BRWD1: variants seen among roughly 807,000 people sequenced by gnomAD.
BRWD1 encodes bromodomain and WD repeat-containing protein 1.
A neutral mutation model predicts 251.2 loss-of-function variants in BRWD1; 82 were observed. That is an observed-to-expected ratio of 0.33 (90% confidence interval 0.27 to 0.39). The LOEUF is 0.39. Among genes scored for constraint, BRWD1 ranks in the 10% least tolerant of loss-of-function variants. The pLI, the probability that BRWD1 is intolerant of heterozygous loss-of-function variation, is 1.00. For missense variants in BRWD1, 2,233 were observed against 2,711.6 expected (o/e 0.82, Z 3.92); for synonymous variants, 918 against 902.8 (o/e 1.02, Z -0.30).
At chr21:39,272,309 T>TAA (rs1224051854) in intron 13 of BRWD1, among the ~76,000 whole-genome samples, 264 of 132,900 alleles carry the variant, frequency 2.0e-3, no homozygotes, top group Admixed American at 3.8e-3. Context: ...CTTAAATAAA[T>TAA]AAAAAAAAAA....
Position 39,192,354 on chromosome 21 carries a change from A to G in BRWD1, c.*3905T>C, listed in dbSNP as rs555104715. 6.7e-4 allele frequency: 658 copies of G among 983,982 alleles called. No homozygotes were observed. The highest frequency in any genetic ancestry group is 8.5e-4 in the South Asian group (18 of 21,258). The allele number at this position is 983,982 out of a possible 1,614,324, so 61.0% of individuals were successfully genotyped here. ...TTTTCCCACAATGCTCTATTTTCTC[A>G]CCTAGTTTTGACAAATTTATTCCTT... On this transcript the variant is annotated 3_prime_UTR_variant, in exon 41 of 41. Transcript: ENST00000342449.
In BRWD1 at chr21:39,270,403, C is replaced by A. The variant is rs1211533293; in HGVS notation, c.1275G>T (p.Met425Ile). The stretch of plus-strand genomic sequence containing the variant: ...AAGCTATCATTGTTACTTTAGGTTT[C>A]ATAAACCTTTCCTCTTCGGAAGATA... The part of the protein sequence containing the change: ...GDLSSEEERF[M>I]KPKVTMIAWN... The change falls in exon 14 of 41, where the codon ATG becomes ATT. Residue 425 changes from methionine (M) to isoleucine (I), a missense_variant. Around this residue, in one of 12 missense-constraint regions of BRWD1, gnomAD observed 315 missense variants for 421.8 expected, o/e 0.75. Transcript: ENST00000342449. 6.2e-7 allele frequency: 1 copy of A among 1,610,638 alleles called. No individual in the cohort carries two copies. Among genetic ancestry groups the A allele is most frequent in the African/African-American group, 1.3e-5 (1 of 74,888 alleles).
chr21:39,264,074 C>T (rs1031932117), intron 17 of BRWD1, among the ~76,000 whole-genome samples: 2 of 152,120 alleles, frequency 1.3e-5, no homozygotes, highest in Non-Finnish European at 2.9e-5. Context: ...AATTAAGGAA[C>T]TATGACAACT....
At chr21:39,223,171 G>A (rs1371120272) in intron 29 of BRWD1, among the ~76,000 whole-genome samples, 1 of 152,260 alleles carries the variant, frequency 6.6e-6, no homozygotes, top group South Asian at 2.1e-4. Context: ...CAATAGTATC[G>A]TATTAATAAT....
chr21:39,217,168 T>C (rs776522842), intron 31 of BRWD1: 4 of 146,174 alleles, frequency 2.7e-5, no homozygotes, highest in Non-Finnish European at 5.9e-5. Context: ...TGATCTCAGC[T>C]CACTGCAACC....
Position 39,196,597 on chromosome 21 carries a change from A to G in BRWD1, c.6472T>C (p.Ser2158Pro). Residue 2158 changes from serine to proline, a missense_variant, in exon 41 of 41, where the codon TCA (serine) becomes CCA (proline). Ser to Pro is a moderately conservative substitution (Grantham distance 74). Transcript: ENST00000342449. ...GATTCAGTTACAGATCCCAAATCTG[A>G]TGATTTGGAACTAGTATCAGGTCTA... ...KFRPDTSSKSSDLGSVTESDI... is the reference protein window; with the variant it reads ...KFRPDTSSKSPDLGSVTESDI... 6.2e-7 allele frequency: 1 copy of G among 1,613,104 alleles called. No homozygotes were observed. The highest frequency in any genetic ancestry group is 1.1e-5 in the South Asian group (1 of 90,946).
Position 39,238,554 on chromosome 21 carries a change from C to T in BRWD1, c.2501G>A (p.Ser834Asn), listed in dbSNP as rs151167565. The T allele has an allele frequency of 3.7e-6, 6 of 1,613,516 alleles. No individual in the cohort carries two copies. The African/African-American group carries it at 5.3e-5, about 14-fold the overall frequency. The change falls in exon 22 of 41, where the codon AGT (serine) becomes AAT (asparagine). Residue 834 changes from serine (S) to asparagine (N), a missense_variant. Ser to Asn is a conservative substitution (Grantham distance 46). Transcript: ENST00000342449. ...SVRHETSCDQSEGSGSSEEDE... is the reference protein window; with the variant it reads ...SVRHETSCDQNEGSGSSEEDE... ...CTCTTCTGAAGAACCAGAACCTTCA[C>T]TCTGATCACAGGAAGTCTCCTAATT...
At chr21:39,209,948 C>A in intron 36 of BRWD1, 47 bp downstream of exon 36, 1 of 1,562,446 alleles carries the variant, frequency 6.4e-7, no homozygotes, top group Non-Finnish European at 8.7e-7. Flanking sequence ...GGAAAATTAT[C>A]TACACAGATC....
intron 9 of BRWD1, 75 bp downstream of exon 9, chr21:39,280,073 T>C (rs1401497023): frequency 1.8e-6 from 2 of 1,124,556 alleles, no homozygotes; most frequent in African/African-American, 3.3e-5. Flanking sequence ...CTCATAACAA[T>C]AAAACTTCAT....
intron 7 of BRWD1, among the ~76,000 whole-genome samples, chr21:39,294,307 A>G (rs1024276769): frequency 2.0e-5 from 3 of 152,222 alleles, no homozygotes; most frequent in Admixed American, 2.0e-4. Context: ...AGTTCTCTGC[A>G]AAGTAGTAAG....
chr21:39,187,671 C>G lies in BRWD1; in HGVS notation c.*8588G>C. On this transcript the variant is annotated 3_prime_UTR_variant, in exon 41 of 41. Coordinates refer to ENST00000342449, the MANE Select transcript of BRWD1 (RefSeq NM_033656.4). ...AGAATGGGGTGAAAAGTTCCTTCAG[C>G]ATCGGCATCATAAAGCTGCTAATCT... 4.1e-6 allele frequency: 4 copies of G among 985,364 alleles called. No individual in the cohort carries two copies. The highest frequency in any genetic ancestry group is 9.4e-5 in the South Asian group (2 of 21,280). 61.0% of individuals were successfully genotyped at this position (985,364 alleles called of 1,614,324 possible). A position where few individuals can be genotyped will look rare whatever the true frequency, so the allele number is the denominator to read the frequency against.
chr21:39,312,399 A>G (rs1211109739), intron 4 of BRWD1, among the ~76,000 whole-genome samples: 1 of 152,254 alleles, frequency 6.6e-6, no homozygotes. Flanking sequence ...CTCCACCTTC[A>G]GAGACCAATG....
chr21:39,292,262 A>G (rs62223039), intron 8 of BRWD1, among the ~76,000 whole-genome samples: 72,537 of 151,786 alleles, frequency 0.48, 17,524 homozygotes, highest in Admixed American at 0.54. Context: ...AAGTCTTAAT[A>G]AATCTCAGCA....
chr21:39,250,819 T>G lies in BRWD1; in HGVS notation c.2326A>C (p.Lys776Gln). The G allele has an allele frequency of 6.3e-7, 1 of 1,596,866 alleles. No homozygotes were observed. Among genetic ancestry groups the G allele is most frequent in the Non-Finnish European group, 8.5e-7 (1 of 1,172,584 alleles). ...RNLYIIGRKRKTLQLSHKSDS... is the reference protein window; with the variant it reads ...RNLYIIGRKRQTLQLSHKSDS... The stretch of plus-strand genomic sequence containing the variant: ...ACCTTATGTGAGAGCTGAAGAGTCT[T>G]TCTTTTTCTTCCTATTATATAAAGA... Residue 776 changes from lysine (K) to glutamine (Q), a missense_variant, in exon 20 of 41, where the codon AAG (lysine) becomes CAG (glutamine). By Grantham distance (53) the Lys-to-Gln change is moderately conservative (BLOSUM62 1). This residue lies in a region of BRWD1 where 214 missense variants were observed against 222.0 expected (regional missense o/e 0.96). Coordinates refer to ENST00000342449, the MANE Select transcript of BRWD1 (RefSeq NM_033656.4).
chr21:39,224,970 A>G (rs2033322943), intron 28 of BRWD1, 116 bp downstream of exon 28: 4 of 763,832 alleles, frequency 5.2e-6, no homozygotes, highest in Non-Finnish European at 8.8e-6. Flanking sequence ...TCAGCCTGAC[A>G]TGACTTAATG....
intron 13 of BRWD1, among the ~76,000 whole-genome samples, chr21:39,274,054 C>T (rs7275629): frequency 3.3e-5 from 5 of 152,126 alleles, no homozygotes; most frequent in Admixed American, 6.6e-5. Context: ...CCACTCTTAA[C>T]GTACTTGAGT....
In BRWD1 at chr21:39,190,873, C is replaced by T; in HGVS notation, c.*5386G>A. On this transcript the variant is annotated 3_prime_UTR_variant, in exon 41 of 41. Coordinates refer to ENST00000342449, the MANE Select transcript of BRWD1 (RefSeq NM_033656.4). ...CATTAGCTTATTCATTTTTAGGGTT[C>T]ATTTACTCAATGATGGGCACCACAC... The T allele has an allele frequency of 1.0e-6, 1 of 985,254 alleles. No individual in the cohort carries two copies. The highest frequency in any genetic ancestry group is 1.1e-4 in the East Asian group (1 of 8,798). 61.0% of individuals were successfully genotyped at this position (985,254 alleles called of 1,614,324 possible).
At chr21:39,229,516 G>C in intron 25 of BRWD1, 80 bp from the exon 26 acceptor site, 1 of 1,341,496 alleles carries the variant, frequency 7.5e-7, no homozygotes, top group Non-Finnish European at 1.0e-6. Flanking sequence ...GTTATATTAA[G>C]TAAACTCATA....
rs538885320 is a variant in BRWD1, at chr21:39,187,542, T to C, written c.*8717A>G. 5.7e-6 allele frequency: 8 copies of C among 1,398,518 alleles called. No homozygotes were observed. The highest frequency in any genetic ancestry group is 3.4e-5 in the Admixed American group (1 of 29,718). The allele number at this position is 1,398,518 out of a possible 1,614,324, so 86.6% of individuals were successfully genotyped here. On this transcript the variant is annotated 3_prime_UTR_variant, in exon 41 of 41. Coordinates refer to ENST00000342449, the MANE Select transcript of BRWD1 (RefSeq NM_033656.4). ...ATTTAAAAGTCATATTGCTAAATGA[T>C]AAATTTTAAAATGTGATACTAAGGG...
Sources: allele counts gnomAD v4.1 joint callset (sites outside exome capture counted in the v4.1 genomes callset), GRCh38; gene constraint gnomAD v4.1.1; regional missense constraint gnomAD v4.1.1; transcripts MANE v1.5; gene names NCBI Gene and HGNC (gene_info 2026-07-23, HGNC 2026-07-21).